The following WWC1 variants were observed in gnomAD, a reference collection of about 807,000 sequenced individuals.
WWC1 encodes protein KIBRA.
A neutral mutation model predicts 138.4 loss-of-function variants in WWC1; 55 were observed. The observed-to-expected ratio is 0.40, with a 90% CI of 0.32 to 0.50. The LOEUF is 0.50. Ranked by LOEUF, WWC1 falls within the 20% of genes least tolerant of loss-of-function variation. WWC1 has a pLI of 0.72. For missense variants in WWC1, 1,226 were observed against 1,420.4 expected (o/e 0.86, Z 2.20); for synonymous variants, 524 against 564.9 (o/e 0.93, Z 1.03).
chr5:168,447,452 ACTGT>A (rs1185772595), intron 17 of WWC1, among the ~76,000 whole-genome samples: 1 of 152,118 alleles, frequency 6.6e-6, no homozygotes, highest in Non-Finnish European at 1.5e-5. Context: ...AACCAATGAC[ACTGT>A]CTGTGTTCCA....
At chr5:168,367,242 T>G (rs1238773445) in intron 1 of WWC1, among the ~76,000 whole-genome samples, 1 of 152,216 alleles carries the variant, frequency 6.6e-6, no homozygotes, top group Non-Finnish European at 1.5e-5. Context: ...ATGTCCCTCT[T>G]GTCTCATTTC....
intron 2 of WWC1, among the ~76,000 whole-genome samples, chr5:168,379,870 G>T (rs1777482807): frequency 6.6e-6 from 1 of 152,030 alleles, no homozygotes. Context: ...ATAGATCATA[G>T]ACCTAAACAT....
chr5:168,299,686 C>G (rs979059704), intron 1 of WWC1, among the ~76,000 whole-genome samples: 2 of 152,198 alleles, frequency 1.3e-5, no homozygotes, highest in African/African-American at 4.8e-5. Context: ...GGAAGAGAAT[C>G]AGGTTGCCTT....
chr5:168,450,927 C>G (rs1755745984), intron 17 of WWC1, among the ~76,000 whole-genome samples: 1 of 152,072 alleles, frequency 6.6e-6, no homozygotes, highest in South Asian at 2.1e-4. Context: ...ATCGTGCAGT[C>G]CACATACCAG....
At chr5:168,432,614 T>C (rs1782037576) in intron 15 of WWC1, among the ~76,000 whole-genome samples, 1 of 152,200 alleles carries the variant, frequency 6.6e-6, no homozygotes, top group South Asian at 2.1e-4. Context: ...GTGTGGGCAT[T>C]ATACCTAGAA....
chr5:168,414,731 G>A, intron 9 of WWC1, 141 bp downstream of exon 9: 1 of 1,230,808 alleles, frequency 8.1e-7, no homozygotes. Flanking sequence ...CTCTCAGGTT[G>A]CCGACATAGG....
At chr5:168,377,341 A>G (rs187571314) in intron 2 of WWC1, among the ~76,000 whole-genome samples, 72 of 152,346 alleles carry the variant, frequency 4.7e-4, no homozygotes, top group Non-Finnish European at 7.8e-4. Flanking sequence ...AAGAGAACCT[A>G]GAAAACACCA....
rs544587615 is a variant in WWC1 at position 168,358,961 on chromosome 5, T to C, written c.120-12463T>C. Among the ~76,000 whole-genome samples the C allele has an allele frequency of 5.9e-5, 9 of 152,226 alleles. No individual in the cohort carries two copies. The South Asian group carries it at 1.9e-3, about 32-fold the overall frequency. On this transcript the variant is annotated intron_variant, in intron 1 of 22. Transcript: ENST00000265293. Reference sequence around the variant, plus strand: ...ACCTGCTTTCTGCCCCTGTAGTTAATTTGTTTTTTCTAGAATTTCATATAA... The same window carrying C: ...ACCTGCTTTCTGCCCCTGTAGTTAACTTGTTTTTTCTAGAATTTCATATAA...
chr5:168,347,978 G>A (rs994370546), intron 1 of WWC1, among the ~76,000 whole-genome samples: 3 of 152,206 alleles, frequency 2.0e-5, no homozygotes, highest in Non-Finnish European at 4.4e-5. Flanking sequence ...AAGGGTCAGA[G>A]GAGTCATGCT....
chr5:168,336,571 CAAAAAAAAAAAAA>C (rs57339649), intron 1 of WWC1, among the ~76,000 whole-genome samples: 5 of 58,026 alleles, frequency 8.6e-5, no homozygotes, highest in African/African-American at 2.2e-4. Context: ...GACTCTGTCT[CAAAAAAAAAAAAA>C]AAAAAAAAAA....
chr5:168,348,529 C>T (rs1220928234), intron 1 of WWC1, among the ~76,000 whole-genome samples: 1 of 152,188 alleles, frequency 6.6e-6, no homozygotes, highest in Non-Finnish European at 1.5e-5. Flanking sequence ...GCTGTGAGCA[C>T]AGGCCTCCCT....
At chr5:168,439,488 C>A (rs963926579) in intron 15 of WWC1, among the ~76,000 whole-genome samples, 1 of 148,158 alleles carries the variant, frequency 6.7e-6, no homozygotes, top group African/African-American at 2.5e-5. Context: ...AAAAAAAAGG[C>A]CAGGCGTGGT....
chr5:168,432,912 G>C (rs1782060122), intron 15 of WWC1, among the ~76,000 whole-genome samples: 1 of 152,228 alleles, frequency 6.6e-6, no homozygotes, highest in South Asian at 2.1e-4. Flanking sequence ...CCTTCTTGGA[G>C]GGCTCGCCCC....
At chr5:168,334,717 C>G (rs571842473) in intron 1 of WWC1, among the ~76,000 whole-genome samples, 1 of 152,238 alleles carries the variant, frequency 6.6e-6, no homozygotes, top group Non-Finnish European at 1.5e-5. Context: ...CTAGTGAGTT[C>G]TGAACATATA....
At chr5:168,329,533 C>A (rs1000870131) in intron 1 of WWC1, among the ~76,000 whole-genome samples, 1 of 152,148 alleles carries the variant, frequency 6.6e-6, no homozygotes, top group African/African-American at 2.4e-5. Context: ...AAGTGTCCTG[C>A]CAGCAAAAGT....
chr5:168,317,620 G>C (rs899729291), intron 1 of WWC1, among the ~76,000 whole-genome samples: 3 of 152,122 alleles, frequency 2.0e-5, no homozygotes, highest in Non-Finnish European at 4.4e-5. Context: ...GCCCTCTTAG[G>C]ATATACAGCT....
chr5:168,434,910 C>T (rs1782238528), intron 15 of WWC1, among the ~76,000 whole-genome samples: 1 of 152,198 alleles, frequency 6.6e-6, no homozygotes, highest in Non-Finnish European at 1.5e-5. Context: ...CAACCGTTCC[C>T]TTGCCTCCTC....
chr5:168,409,782 C>G (rs1325257828), intron 7 of WWC1, 140 bp from the exon 8 acceptor site: 3 of 807,536 alleles, frequency 3.7e-6, no homozygotes, highest in Non-Finnish European at 6.3e-6. Context: ...TCCCTGCGAT[C>G]TGCACCGCCA....
Position 168,403,871 on chromosome 5 carries a change from TACACACACACACACACAC to T in WWC1, c.591-2304_591-2287del, listed in dbSNP as rs57788100. Among the ~76,000 whole-genome samples the T allele has an allele frequency of 1.5e-3, 196 of 134,434 alleles. 1 individual carries two copies. Among genetic ancestry groups the T allele is most frequent in the African/African-American group, 5.3e-3 (189 of 35,332 alleles). The allele number at this position is 134,434 out of a possible 152,430, so 88.2% of individuals were successfully genotyped here. On this transcript the variant is annotated intron_variant, in intron 5 of 22. Transcript: ENST00000265293. ...ATTTGGAAATCCTAAAACACATGCA[TACACACACACACACACAC>T]ACACACACACACACACACACACTTT...
Sources: allele counts gnomAD v4.1 joint callset (sites outside exome capture counted in the v4.1 genomes callset), GRCh38; gene constraint gnomAD v4.1.1; transcripts MANE v1.5; gene names NCBI Gene and HGNC (gene_info 2026-07-23, HGNC 2026-07-21).